The following GRK6 variants were observed in gnomAD, a reference collection of about 807,000 sequenced individuals.
The protein encoded by GRK6 is G protein-coupled receptor kinase 6.
A neutral mutation model predicts 80.8 loss-of-function variants in GRK6; 37 were observed. That is an observed-to-expected ratio of 0.46 (90% CI 0.35 to 0.60). The LOEUF is 0.60. Ranked by LOEUF, GRK6 falls within the 20% of genes least tolerant of loss-of-function variation. GRK6 has a pLI of 0.00. For missense variants in GRK6, 560 were observed against 784.6 expected, an observed-to-expected ratio of 0.71 and a Z score of 3.42; for synonymous variants, 295 against 320.9, an observed-to-expected ratio of 0.92 and a Z score of 0.86.
In GRK6 at chr5:177,434,948, G is replaced by A. The variant is rs1481404617; in HGVS notation, c.967+9G>A. On this transcript the variant is annotated intron_variant, in intron 10 of 15. Coordinates refer to ENST00000355472, the MANE Select transcript of GRK6 (RefSeq NM_001004106.3). Reference sequence around the variant, plus strand: ...CTTGCTGGATGACCACGGTGTGTAAGGGTGCCTGGGGTGGGTCAGGGTGGG... The same window carrying A: ...CTTGCTGGATGACCACGGTGTGTAAAGGTGCCTGGGGTGGGTCAGGGTGGG... The A allele has an allele frequency of 6.2e-7, 1 of 1,613,606 alleles. No individual in the cohort carries two copies. Among genetic ancestry groups the A allele is most frequent in the Non-Finnish European group, 8.5e-7 (1 of 1,179,860 alleles).
In GRK6 at chr5:177,441,793, C is replaced by T; in HGVS notation, c.*3C>T. ...AAGAGCTCCCCACCCGCCTCTAGCC[C>T]CCAGCCCGAGGCCCCCACCAGCAGT... On this transcript the variant is annotated 3_prime_UTR_variant, in exon 16 of 16. Transcript: ENST00000355472. The T allele has an allele frequency of 6.2e-7, 1 of 1,612,320 alleles. No individual in the cohort carries two copies. Among genetic ancestry groups the T allele is most frequent in the Non-Finnish European group, 8.5e-7 (1 of 1,178,836 alleles).
intron 2 of GRK6, among the ~76,000 whole-genome samples, chr5:177,431,228 C>T (rs545220375): frequency 1.3e-5 from 2 of 152,322 alleles, no homozygotes; most frequent in Non-Finnish European, 2.9e-5. Flanking sequence ...CAGTTGATTC[C>T]ACTTTGAAAA....
At chr5:177,430,661 G>A (rs933447924) in intron 1 of GRK6, 43 of 586,008 alleles carry the variant, frequency 7.3e-5, no homozygotes, top group Non-Finnish European at 1.1e-4. Context: ...GCCTCTCTTG[G>A]CTCTCCCAGT....
chr5:177,428,706 C>T lies in GRK6; in HGVS notation c.52+1809C>T, dbSNP rs1763769195. Among the ~76,000 whole-genome samples the T allele has an allele frequency of 1.3e-5, 2 of 152,238 alleles. No individual in the cohort carries two copies. The highest frequency in any genetic ancestry group is 4.1e-4 in the South Asian group (2 of 4,838). ...TTGCTGGGATTATAGGCATGAGCCA[C>T]CGCGCCTGGCCGACCTGCATGACTT... On this transcript the variant is annotated intron_variant, in intron 1 of 15. Coordinates refer to ENST00000355472, the MANE Select transcript of GRK6 (RefSeq NM_001004106.3). This position sits in a 1 kb window ranked among gnomAD's most constrained non-coding sequence, Gnocchi z 4.1.
At chr5:177,435,285 G>A (rs972757983) in intron 11 of GRK6, among the ~76,000 whole-genome samples, 164 bp downstream of exon 11, 20 of 152,364 alleles carry the variant, frequency 1.3e-4, no homozygotes, top group South Asian at 6.2e-4. Flanking sequence ...AGACTCAGCC[G>A]GGGCCGCACA....
chr5:177,437,512 T>C (rs1305943829), intron 13 of GRK6, among the ~76,000 whole-genome samples: 1 of 152,140 alleles, frequency 6.6e-6, no homozygotes, highest in African/African-American at 2.4e-5. Flanking sequence ...TAACTGAGCA[T>C]CTCAGTGGGC....
At chr5:177,438,093 G>T (rs1042072829) in intron 13 of GRK6, among the ~76,000 whole-genome samples, 2 of 152,232 alleles carry the variant, frequency 1.3e-5, no homozygotes, top group African/African-American at 4.8e-5. Flanking sequence ...AAGCGGCTGG[G>T]TGCGGTGGCT....
chr5:177,432,414 A>G, intron 4 of GRK6, 104 bp downstream of exon 4: 6 of 1,086,188 alleles, frequency 5.5e-6, no homozygotes, highest in Non-Finnish European at 5.6e-6. Context: ...CTTCATACAG[A>G]CACATGTAAC....
Position 177,426,893 on chromosome 5 carries a change from G to A in GRK6, c.48G>A (p.Arg16=). ...IVANTVLLKA[R]EGGGGNRKGK... is the part of the protein sequence containing the mutation. ...CGAACACGGTGCTACTCAAGGCCCGGGAAGGTGAGGCGGCCGGGTGGGCGG... is the reference window on the plus strand; with the variant it reads ...CGAACACGGTGCTACTCAAGGCCCGAGAAGGTGAGGCGGCCGGGTGGGCGG... Residue 16 remains arginine (R), a synonymous_variant, in exon 1 of 16, where the codon CGG becomes CGA. Transcript: ENST00000355472. 7.2e-7 allele frequency: 1 copy of A among 1,395,742 alleles called. No individual in the cohort carries two copies. The highest frequency in any genetic ancestry group is 1.6e-5 in the South Asian group (1 of 60,946). 86.5% of individuals were successfully genotyped at this position (1,395,742 alleles called of 1,614,324 possible).
chr5:177,437,419 A>G (rs932283696), intron 13 of GRK6, among the ~76,000 whole-genome samples: 3 of 152,050 alleles, frequency 2.0e-5, no homozygotes, highest in East Asian at 1.9e-4. Flanking sequence ...GAAAACTACA[A>G]TGCAATTGCC....
chr5:177,431,844 A>C, intron 2 of GRK6, 151 bp from the exon 3 acceptor site: 1 of 703,470 alleles, frequency 1.4e-6, no homozygotes, highest in Non-Finnish European at 2.5e-6. Context: ...TGCCCACCTG[A>C]GGGTTGTGGT....
chr5:177,432,714 C>A lies in GRK6; in HGVS notation c.348C>A (p.Asp116Glu), dbSNP rs1194042659. ...TQNFLSHTGP[D>E]LIPEVPRQLV... ...CTGGGGCTTGTTCCCAGGGTCCTGA[C>A]CTCATCCCTGAGGTCCCCCGGCAGC... Residue 116 changes from aspartate to glutamate, a missense_variant, in exon 5 of 16, where the codon GAC becomes GAA. By Grantham distance (45) the Asp-to-Glu change is conservative. Around this residue, in one of 3 missense-constraint regions of GRK6, gnomAD observed 189 missense variants for 230.2 expected, o/e 0.82. Transcript: ENST00000355472. The A allele has an allele frequency of 6.2e-7, 1 of 1,603,714 alleles. No homozygotes were observed. Among genetic ancestry groups the A allele is most frequent in the Admixed American group, 1.7e-5 (1 of 59,124 alleles).
intron 8 of GRK6, 45 bp downstream of exon 8, chr5:177,433,721 G>A (rs373614602): frequency 1.9e-5 from 31 of 1,604,384 alleles, no homozygotes; most frequent in Admixed American, 1.0e-4. Context: ...CCACACTGGC[G>A]CACCGACCGT....
intron 13 of GRK6, among the ~76,000 whole-genome samples, chr5:177,437,283 A>G (rs1205543463): frequency 1.3e-5 from 2 of 152,116 alleles, no homozygotes; most frequent in East Asian, 1.9e-4. Flanking sequence ...AGAAATCCTC[A>G]TGGGGGAAAA....
intron 13 of GRK6, chr5:177,438,546 G>A (rs1443353443): frequency 1.3e-5 from 2 of 152,256 alleles, no homozygotes; most frequent in Non-Finnish European, 2.9e-5. Flanking sequence ...AAACAGCCGG[G>A]TATTGCAGTC....
rs1202280923 is a variant in GRK6, at chr5:177,429,046, C to T, written c.53-1826C>T. On this transcript the variant is annotated intron_variant, in intron 1 of 15. Transcript: ENST00000355472. The surrounding 1 kb of genome is among the most constrained non-coding windows in gnomAD (Gnocchi z 4.3). ...GGTTGTGGCCATAGGGAGCTGGGTA[C>T]GAATCCTGTACCCAGGATTGGTCTC... 1.3e-5 allele frequency among the ~76,000 whole-genome samples: 2 copies of T among 152,114 alleles called. No individual in the cohort carries two copies. Among genetic ancestry groups the T allele is most frequent in the Non-Finnish European group, 2.9e-5 (2 of 68,014 alleles).
At chr5:177,435,176 AC>A in intron 11 of GRK6, 55 bp downstream of exon 11, 1 of 1,235,552 alleles carries the variant, frequency 8.1e-7, no homozygotes. Flanking sequence ...CTATCCACCC[AC>A]CCAGCCACAC....
chr5:177,440,984 C>T lies in GRK6; in HGVS notation c.1608C>T (p.Asp536=), dbSNP rs1561662165. ...VFGLDGSVPP[D]LDWKGQPPAP... is the part of the protein sequence containing the mutation. ...GGCTGGATGGCTCAGTTCCCCCAGA[C>T]CTGGACTGGAAGGGCCAGCCACCTG... Residue 536 remains aspartate (D), a synonymous_variant, in exon 15 of 16, where the codon GAC becomes GAT. Coordinates refer to ENST00000355472, the MANE Select transcript of GRK6 (RefSeq NM_001004106.3). The T allele has an allele frequency of 1.2e-6, 2 of 1,614,050 alleles. No homozygotes were observed. The highest frequency in any genetic ancestry group is 1.7e-6 in the Non-Finnish European group (2 of 1,180,014).
At chr5:177,427,334 G>T (rs1481204201) in intron 1 of GRK6, among the ~76,000 whole-genome samples, 3 of 152,190 alleles carry the variant, frequency 2.0e-5, no homozygotes, top group East Asian at 3.8e-4. Context: ...GACCCTCTGC[G>T]TAGCACAGCC....
Sources: allele counts gnomAD v4.1 joint callset (sites outside exome capture counted in the v4.1 genomes callset), GRCh38; gene constraint gnomAD v4.1.1; regional missense constraint gnomAD v4.1.1; non-coding constraint Gnocchi (gnomAD v3.1); transcripts MANE v1.5; gene names NCBI Gene and HGNC (gene_info 2026-07-23, HGNC 2026-07-21).